The following GRK3 variants were observed in gnomAD, a reference collection of about 807,000 sequenced individuals.
The protein encoded by GRK3 is adrenergic, beta, receptor kinase 2.
Under a neutral mutation model 95.7 loss-of-function variants are expected in GRK3, and 54 were observed. That is an observed-to-expected ratio of 0.56 (90% confidence interval 0.45 to 0.71). The LOEUF is 0.71. Ranked by LOEUF, GRK3 falls within the 30% of genes least tolerant of loss-of-function variation. GRK3 has a pLI of 0.00. For synonymous variants in GRK3, 281 were observed against 290.8 expected (o/e 0.97, Z 0.34); for missense variants, 649 against 851.2 (o/e 0.76, Z 2.96).
chr22:25,695,992 C>A (rs1186219148), intron 13 of GRK3, among the ~76,000 whole-genome samples: 2 of 152,136 alleles, frequency 1.3e-5, no homozygotes, highest in Non-Finnish European at 2.9e-5. Flanking sequence ...TGCCACCACG[C>A]CAGGCTAATT....
At chr22:25,574,975 G>T (rs918862485) in intron 1 of GRK3, among the ~76,000 whole-genome samples, 1 of 152,246 alleles carries the variant, frequency 6.6e-6, no homozygotes, top group African/African-American at 2.4e-5. Context: ...GAGAAAAATT[G>T]CACAATAGCA....
At chr22:25,717,206 T>C (rs2085393459) in intron 18 of GRK3, among the ~76,000 whole-genome samples, 1 of 152,206 alleles carries the variant, frequency 6.6e-6, no homozygotes, top group Non-Finnish European at 1.5e-5. Flanking sequence ...TGCCATTTTA[T>C]ATTGATGACT....
chr22:25,590,904 C>T (rs1325583562), intron 1 of GRK3, among the ~76,000 whole-genome samples: 1 of 152,192 alleles, frequency 6.6e-6, no homozygotes, highest in African/African-American at 2.4e-5. Context: ...GTGAGTTTAT[C>T]TACATTGGCA....
chr22:25,602,136 C>A (rs2084413570), intron 1 of GRK3, among the ~76,000 whole-genome samples: 1 of 152,084 alleles, frequency 6.6e-6, no homozygotes. Flanking sequence ...TAATACAACT[C>A]AATTAAAAGG....
chr22:25,661,691 CT>C lies in GRK3; in HGVS notation c.366+16del, dbSNP rs772955369. ...TCCTGTTCACATGTAAGTATTTCTT[CT>C]TACTCTGTTACTTTAGTACTGATGA... On this transcript the variant is annotated intron_variant, in intron 4 of 20. Coordinates refer to ENST00000324198, the MANE Select transcript of GRK3 (RefSeq NM_005160.4). 6.6e-7 allele frequency: 1 copy of C among 1,510,842 alleles called. No individual in the cohort carries two copies. Among genetic ancestry groups the C allele is most frequent in the Non-Finnish European group, 9.2e-7 (1 of 1,090,410 alleles). The allele number at this position is 1,510,842 out of a possible 1,614,324, so 93.6% of individuals were successfully genotyped here.
chr22:25,568,120 C>A (rs758636988), intron 1 of GRK3, among the ~76,000 whole-genome samples: 3 of 152,236 alleles, frequency 2.0e-5, no homozygotes, highest in African/African-American at 7.2e-5. Flanking sequence ...TGACCCACAG[C>A]CTCCCTTGCA....
At chr22:25,695,608 G>T (rs1452948577) in intron 13 of GRK3, among the ~76,000 whole-genome samples, 1 of 152,076 alleles carries the variant, frequency 6.6e-6, no homozygotes, top group African/African-American at 2.4e-5. Context: ...TACAGATTTT[G>T]AGAGTTACAA....
Position 25,685,223 on chromosome 22 carries a change from C to T in GRK3, c.801C>T (p.Leu267=). Residue 267 remains leucine (L), a synonymous_variant, in exon 10 of 21, where the codon CTC becomes CTT. Transcript: ENST00000324198. ...ATGCCTTCCATACCCCAGATAAACT[C>T]TGCTTCATCCTGGATCTGATGAACG... ...MTYAFHTPDK[L]CFILDLMNGG... 1 of 1,613,370 alleles carries T rather than the reference C, an allele frequency of 6.2e-7. No homozygotes were observed. The highest frequency in any genetic ancestry group is 8.5e-7 in the Non-Finnish European group (1 of 1,179,316).
chr22:25,707,790 G>C (rs1025804931), intron 15 of GRK3, among the ~76,000 whole-genome samples: 5 of 152,164 alleles, frequency 3.3e-5, no homozygotes, highest in African/African-American at 1.2e-4. Flanking sequence ...GTATGAAGTG[G>C]GATGGGGCTG....
intron 2 of GRK3, among the ~76,000 whole-genome samples, chr22:25,622,762 GC>G (rs1488236402): frequency 6.6e-6 from 1 of 152,180 alleles, no homozygotes; most frequent in Non-Finnish European, 1.5e-5. Flanking sequence ...GCCAAAGGTG[GC>G]TTTTGTTAGA....
chr22:25,679,896 A>G (rs1435994083), intron 9 of GRK3, among the ~76,000 whole-genome samples: 1 of 152,248 alleles, frequency 6.6e-6, no homozygotes, highest in Non-Finnish European at 1.5e-5. Flanking sequence ...TAAGGTCTTC[A>G]CCAAAAGGAT....
At chr22:25,695,449 A>G (rs1411528485) in intron 13 of GRK3, among the ~76,000 whole-genome samples, 10 of 152,192 alleles carry the variant, frequency 6.6e-5, no homozygotes, top group Non-Finnish European at 2.9e-5. Flanking sequence ...TAGGAATCAG[A>G]ATTCTTTTAA....
intron 6 of GRK3, among the ~76,000 whole-genome samples, chr22:25,671,660 C>T (rs2146413397): frequency 6.6e-6 from 1 of 152,316 alleles, no homozygotes; most frequent in South Asian, 2.1e-4. Flanking sequence ...GTCTCCTCAG[C>T]TATAAAATGG....
chr22:25,654,825 G>GT (rs1201695688), intron 3 of GRK3, among the ~76,000 whole-genome samples: 1 of 152,138 alleles, frequency 6.6e-6, no homozygotes, highest in Non-Finnish European at 1.5e-5. Flanking sequence ...AAGCATTGGT[G>GT]TTTCTCTTAG....
intron 19 of GRK3, among the ~76,000 whole-genome samples, chr22:25,720,117 T>A (rs2085419575): frequency 6.6e-6 from 1 of 152,156 alleles, no homozygotes; most frequent in Middle Eastern, 3.2e-3. Flanking sequence ...TGAGCGGACC[T>A]GGGCAGATTA....
intron 15 of GRK3, among the ~76,000 whole-genome samples, chr22:25,705,161 C>G (rs944640124): frequency 4.6e-5 from 7 of 152,126 alleles, no homozygotes; most frequent in Non-Finnish European, 8.8e-5. Flanking sequence ...CCTATTCCTG[C>G]TATAATAGAT....
intron 15 of GRK3, among the ~76,000 whole-genome samples, chr22:25,707,669 C>A (rs888563235): frequency 6.6e-6 from 1 of 152,180 alleles, no homozygotes; most frequent in Non-Finnish European, 1.5e-5. Context: ...CTCCCGTGAT[C>A]CAGCAAAGCC....
chr22:25,618,676 G>A (rs1246916312), intron 2 of GRK3, among the ~76,000 whole-genome samples: 1 of 150,848 alleles, frequency 6.6e-6, no homozygotes, highest in African/African-American at 2.4e-5. Context: ...AATATACTTT[G>A]GTATGTTAGG....
chr22:25,654,663 TACTAAGTCACCTTGTC>T (rs1004235524), intron 3 of GRK3, among the ~76,000 whole-genome samples: 4 of 152,246 alleles, frequency 2.6e-5, no homozygotes, highest in African/African-American at 9.6e-5. Flanking sequence ...TTTCAGCATT[TACTAAGTCACCTTGTC>T]AAACACAGAG....
Sources: gnomAD v4.1 joint callset for allele counts (sites outside exome capture counted in the v4.1 genomes callset) on GRCh38, gnomAD v4.1.1 for gene constraint, MANE v1.5 for transcripts, NCBI Gene and HGNC (gene_info 2026-07-23, HGNC 2026-07-21) for gene names.